Variants in MYO19 observed in about 807,000 individuals in gnomAD.
MYO19 encodes the protein unconventional myosin-XIX.
A neutral mutation model predicts 129.2 loss-of-function variants in MYO19; 132 were observed. The ratio of observed to expected loss-of-function variants is 1.02; its 90% CI spans 0.89 to 1.18. The LOEUF (loss-of-function observed/expected upper bound fraction) is 1.18, where lower values mean the gene tolerates loss of function less well. Ranked by LOEUF, MYO19 falls within the 50% of genes most tolerant of loss-of-function variation. The pLI is 0.00. For synonymous variants in MYO19, 531 were observed against 477.2 expected (o/e 1.11, Z -1.47); for missense variants, 1,210 against 1,216.7 (o/e 0.99, Z 0.08).
At position 36,503,144 on chromosome 17, in the gene MYO19, C is replaced by T. The variant is rs749446335; in HGVS notation, c.2033G>A (p.Cys678Tyr). ...RYKLLRRLHP[C>Y]TSSGPDSPYP... ...TGGGCTGTCGGGGCCAGAGGATGTG[C>T]AAGGATGAAGCCTTCTTAGTAACTT... Residue 678 changes from cysteine to tyrosine, a missense_variant, in exon 21 of 26, where the codon TGC becomes TAC. Transcript: ENST00000614623. 1 of 1,614,030 alleles carries T rather than the reference C, an allele frequency of 6.2e-7. No individual in the cohort carries two copies. The highest frequency in any genetic ancestry group is 8.5e-7 in the Non-Finnish European group (1 of 1,179,896).
At position 36,495,710 on chromosome 17, in the gene MYO19, G is replaced by A. The variant is rs1336425332; in HGVS notation, c.*541C>T. On this transcript the variant is annotated 3_prime_UTR_variant, in exon 26 of 26. Transcript: ENST00000614623. ...ATATCAAGCTTACACTTCATATGGAGTTAAACTTGGTCAGTGTTAATAAAA... is the reference window on the plus strand; with the variant it reads ...ATATCAAGCTTACACTTCATATGGAATTAAACTTGGTCAGTGTTAATAAAA... 8.0e-7 allele frequency: 1 copy of A among 1,252,558 alleles called. No individual in the cohort carries two copies. Among genetic ancestry groups the A allele is most frequent in the Admixed American group, 3.8e-5 (1 of 26,260 alleles). The allele number at this position is 1,252,558 out of a possible 1,614,324, so 77.6% of individuals were successfully genotyped here.
At chr17:36,500,264 G>C (rs867894488) in intron 23 of MYO19, 1 of 152,562 alleles carries the variant, frequency 6.6e-6, no homozygotes, top group Middle Eastern at 3.4e-3. Flanking sequence ...CATTTTGGAA[G>C]TGGTTCTCCA....
At chr17:36,526,480 C>G (rs967832894) in intron 5 of MYO19, among the ~76,000 whole-genome samples, 1 of 152,216 alleles carries the variant, frequency 6.6e-6, no homozygotes, top group African/African-American at 2.4e-5. Context: ...CACCCCACCC[C>G]AAATAACTTA....
intron 17 of MYO19, 33 bp from the exon 18 acceptor site, chr17:36,506,641 C>G: frequency 6.6e-7 from 1 of 1,512,508 alleles, no homozygotes; most frequent in Non-Finnish European, 8.8e-7. Context: ...GCAGTGAGGG[C>G]AGGTGGAGCT....
At chr17:36,537,629 TG>T, upstream of MYO19, 1 of 1,614,160 alleles carries the variant, frequency 6.2e-7, no homozygotes, top group Non-Finnish European at 8.5e-7. Flanking sequence ...GCTTTGTTTT[TG>T]GGTCTGCAAT....
chr17:36,519,478 C>T (rs1035223815), intron 6 of MYO19, among the ~76,000 whole-genome samples: 2 of 152,092 alleles, frequency 1.3e-5, no homozygotes, highest in South Asian at 2.1e-4. Flanking sequence ...GTCACTATGC[C>T]TGGGTTTAAA....
chr17:36,527,016 A>C (rs1203945593), intron 5 of MYO19, among the ~76,000 whole-genome samples: 1 of 151,962 alleles, frequency 6.6e-6, no homozygotes, highest in East Asian at 1.9e-4. Flanking sequence ...AAAATACAAA[A>C]TTAGCCAGGT....
chr17:36,497,043 A>AAAAC (rs2071040296), intron 25 of MYO19, among the ~76,000 whole-genome samples: 1 of 152,060 alleles, frequency 6.6e-6, no homozygotes, highest in African/African-American at 2.4e-5. Context: ...TGCTTATATA[A>AAAAC]AAACAGCTGG....
chr17:36,537,852 C>T (rs781674039), upstream of MYO19: 2 of 1,614,104 alleles, frequency 1.2e-6, no homozygotes, highest in South Asian at 2.2e-5. Flanking sequence ...GATAACACCA[C>T]TGCTGTTGAT....
Position 36,499,110 on chromosome 17 carries a change from C to T in MYO19, c.2428G>A (p.Ala810Thr), listed in dbSNP as rs1223902800. 6.2e-7 allele frequency: 1 copy of T among 1,610,312 alleles called. No homozygotes were observed. The highest frequency in any genetic ancestry group is 8.5e-7 in the Non-Finnish European group (1 of 1,178,268). Residue 810 changes from alanine (A) to threonine (T), a missense_variant, in exon 24 of 26, where the codon GCC becomes ACC. Ala to Thr is a moderately conservative substitution (Grantham distance 58). Transcript: ENST00000614623. ...RKHIQRLHAAATVIKRAWQKW... is the reference protein window; with the variant it reads ...RKHIQRLHAATTVIKRAWQKW... ...TGCCATGCACGCTTGATGACTGTGG[C>T]AGCTGCATGCAGCCTCTGGATGTGT...
upstream of MYO19, among the ~76,000 whole-genome samples, chr17:36,539,593 G>A (rs2074185219): frequency 7.3e-6 from 1 of 137,516 alleles, no homozygotes; most frequent in South Asian, 2.4e-4. Context: ...GGGAAACAGT[G>A]AGACCCTGTC....
At chr17:36,518,787 T>TA (rs2072963560) in intron 6 of MYO19, among the ~76,000 whole-genome samples, 1 of 147,116 alleles carries the variant, frequency 6.8e-6, no homozygotes, top group African/African-American at 2.7e-5. Context: ...CATAGTGAGA[T>TA]AGATAGATAG....
intron 6 of MYO19, among the ~76,000 whole-genome samples, chr17:36,524,622 C>G (rs549917191): frequency 2.0e-5 from 3 of 152,378 alleles, no homozygotes; most frequent in Admixed American, 1.3e-4. Context: ...TCCCCAACAC[C>G]TGGCCCAATA....
intron 3 of MYO19, among the ~76,000 whole-genome samples, chr17:36,531,768 G>A (rs2073850750): frequency 6.6e-6 from 1 of 152,106 alleles, no homozygotes; most frequent in Admixed American, 6.6e-5. Context: ...CTGCTACCTT[G>A]CTGATGTCAG....
chr17:36,537,897 C>T (rs189401029), upstream of MYO19: 76 of 1,613,968 alleles, frequency 4.7e-5, no homozygotes, highest in Non-Finnish European at 6.0e-5. Context: ...GATTATTGCC[C>T]TCGGCATTAC....
At chr17:36,509,721 T>C (rs1299956321) in intron 13 of MYO19, 1 of 152,794 alleles carries the variant, frequency 6.5e-6, no homozygotes, top group Non-Finnish European at 1.5e-5. Context: ...TCACATTTTT[T>C]CTTAAAGTAA....
At chr17:36,523,235 T>C (rs1327827477) in intron 6 of MYO19, among the ~76,000 whole-genome samples, 1 of 150,792 alleles carries the variant, frequency 6.6e-6, no homozygotes, top group Non-Finnish European at 1.5e-5. Flanking sequence ...TATGGGTTCC[T>C]GCCATGGGGG....
At chr17:36,496,701 C>T (rs2071012459) in intron 25 of MYO19, among the ~76,000 whole-genome samples, 1 of 152,174 alleles carries the variant, frequency 6.6e-6, no homozygotes, top group Non-Finnish European at 1.5e-5. Flanking sequence ...TGGGAGACTT[C>T]ATCCAGATTA....
chr17:36,499,654 CTTTTTGTTTCTTTTTTTTTTTTTTTT>C (rs1361312749), intron 23 of MYO19: 14 of 73,106 alleles, frequency 1.9e-4, no homozygotes, highest in African/African-American at 7.7e-4. Flanking sequence ...TATTCTTTTT[CTTTTTGTTTCTTTTTTTTTTTTTTTT>C]TTTTTTTTTT....
Sources: gnomAD v4.1 joint callset for allele counts (sites outside exome capture counted in the v4.1 genomes callset) on GRCh38, gnomAD v4.1.1 for gene constraint, MANE v1.5 for transcripts, NCBI Gene and HGNC (gene_info 2026-07-23, HGNC 2026-07-21) for gene names.